Variants in PGGT1B observed in about 807,000 individuals in gnomAD.
The protein encoded by PGGT1B is geranylgeranyl transferase type-1 subunit beta.
Under a neutral mutation model 46.1 loss-of-function variants are expected in PGGT1B, and 30 were observed. The observed-to-expected ratio is 0.65, with a 90% CI of 0.49 to 0.88. PGGT1B has a LOEUF of 0.88. PGGT1B is among the 40% of genes least tolerant of loss of function. The probability of loss-of-function intolerance (pLI) is 0.00; values close to 1 mark genes in which losing one functional copy is unlikely to be tolerated. For missense variants in PGGT1B, 376 were observed against 455.9 expected (o/e 0.82, Z 1.60); for synonymous variants, 170 against 160.0 (o/e 1.06, Z -0.47).
chr5:115,247,773 C>A (rs1014686358), intron 2 of PGGT1B, among the ~76,000 whole-genome samples: 4 of 152,154 alleles, frequency 2.6e-5, no homozygotes, highest in African/African-American at 9.7e-5. Flanking sequence ...AGGAGATATT[C>A]TTTCACAGAG....
At chr5:115,222,779 T>C (rs1055844025) in intron 6 of PGGT1B, among the ~76,000 whole-genome samples, 34 of 152,218 alleles carry the variant, frequency 2.2e-4, no homozygotes, top group Non-Finnish European at 2.9e-5. Context: ...CATGGAATAC[T>C]ATGTAGCCAT....
chr5:115,223,745 T>C (rs1048171513), intron 6 of PGGT1B, among the ~76,000 whole-genome samples: 38 of 152,212 alleles, frequency 2.5e-4, no homozygotes, highest in African/African-American at 8.7e-4. Context: ...ACAAAGGTAC[T>C]TTCCTCAGGA....
chr5:115,257,205 C>T (rs1748357303), intron 1 of PGGT1B, among the ~76,000 whole-genome samples: 1 of 152,140 alleles, frequency 6.6e-6, no homozygotes, highest in Non-Finnish European at 1.5e-5. Flanking sequence ...ACGCATACCC[C>T]AAAGATTAAA....
Position 115,207,202 on chromosome 5 carries a change from T to TAC in PGGT1B, c.*5199_*5200insGT, listed in dbSNP as rs1279060437. 1.4e-5 allele frequency: 2 copies of TAC among 142,184 alleles called. No homozygotes were observed. The highest frequency in any genetic ancestry group is 3.1e-5 in the Non-Finnish European group (2 of 64,784). The allele number at this position is 142,184 out of a possible 1,614,324, so 8.8% of individuals were successfully genotyped here. ...ATACATATATATATATATATATATA[T>TAC]ATATAGTCTTGTTACTCTTTTTAGT... On this transcript the variant is annotated 3_prime_UTR_variant, in exon 9 of 9. Coordinates refer to ENST00000419445, the MANE Select transcript of PGGT1B (RefSeq NM_005023.4).
rs768224915 is a variant in PGGT1B at position 115,207,543 on chromosome 5, C to A, written c.*4859G>T. 1 of 151,978 alleles carries A rather than the reference C, an allele frequency of 6.6e-6. No individual in the cohort carries two copies. The highest frequency in any genetic ancestry group is 6.6e-5 in the Admixed American group (1 of 15,254). 9.4% of individuals were successfully genotyped at this position (151,978 alleles called of 1,614,324 possible). On this transcript the variant is annotated 3_prime_UTR_variant, in exon 9 of 9. Transcript: ENST00000419445. ...TGAAAGAGGGTGCTGATTTCTGACA[C>A]CATACATAGATGCTGTCTGTTTTGA...
intron 3 of PGGT1B, among the ~76,000 whole-genome samples, chr5:115,241,033 T>C (rs1297217010): frequency 6.6e-6 from 1 of 152,206 alleles, no homozygotes; most frequent in African/African-American, 2.4e-5. Context: ...CATGAAGAAG[T>C]TCTGCATATT....
At chr5:115,212,635 C>T (rs772568642) in intron 8 of PGGT1B, 52 bp from the exon 9 acceptor site, 1 of 1,261,672 alleles carries the variant, frequency 7.9e-7, no homozygotes, top group South Asian at 1.4e-5. Flanking sequence ...CTTGTACATT[C>T]TACAGAATAT....
At chr5:115,241,735 A>G (rs1251447948) in intron 2 of PGGT1B, 129 bp from the exon 3 acceptor site, 4 of 568,374 alleles carry the variant, frequency 7.0e-6, no homozygotes, top group Non-Finnish European at 1.2e-5. Context: ...CTAATGCTGA[A>G]TGCTTACCAT....
At chr5:115,256,178 G>A (rs1312245699) in intron 1 of PGGT1B, among the ~76,000 whole-genome samples, 2 of 152,158 alleles carry the variant, frequency 1.3e-5, no homozygotes, top group African/African-American at 4.8e-5. Context: ...CAGTGGAGGA[G>A]GGAGTTACTG....
chr5:115,214,342 C>T (rs1756343692), intron 8 of PGGT1B, among the ~76,000 whole-genome samples: 1 of 152,128 alleles, frequency 6.6e-6, no homozygotes, highest in African/African-American at 2.4e-5. Flanking sequence ...CGTACAAGCA[C>T]TTTAGATGTG....
At position 115,231,039 on chromosome 5, in the gene PGGT1B, T is replaced by G; in HGVS notation, c.613-18A>C. The stretch of plus-strand genomic sequence containing the variant: ...TCATAGGACTGAAAAAGAAAAACAT[T>G]GTTCAGTTTAATAGGGAAATAATAA... On this transcript the variant is annotated intron_variant, in intron 5 of 8. Transcript: ENST00000419445. The G allele has an allele frequency of 6.9e-7, 1 of 1,456,254 alleles. No individual in the cohort carries two copies. Among genetic ancestry groups the G allele is most frequent in the Non-Finnish European group, 9.4e-7 (1 of 1,062,988 alleles). 90.2% of individuals were successfully genotyped at this position (1,456,254 alleles called of 1,614,324 possible).
At chr5:115,248,783 G>A (rs1463479121) in intron 2 of PGGT1B, among the ~76,000 whole-genome samples, 1 of 152,194 alleles carries the variant, frequency 6.6e-6, no homozygotes, top group Non-Finnish European at 1.5e-5. Flanking sequence ...TCATTTGTGT[G>A]AGGTTTCAGA....
chr5:115,237,213 C>T (rs185476213), intron 4 of PGGT1B, among the ~76,000 whole-genome samples: 33 of 152,296 alleles, frequency 2.2e-4, no homozygotes, highest in Admixed American at 2.0e-3. Context: ...TTTGAAAACA[C>T]TGACGGGAAA....
intron 2 of PGGT1B, among the ~76,000 whole-genome samples, chr5:115,242,566 T>A (rs1757379345): frequency 6.6e-6 from 1 of 152,194 alleles, no homozygotes; most frequent in South Asian, 2.1e-4. Context: ...CCCAAAAAAC[T>A]TAAAATAGTA....
In PGGT1B at chr5:115,262,708, T is replaced by G; in HGVS notation, c.140+4A>C. The G allele has an allele frequency of 6.2e-7, 1 of 1,604,122 alleles. No individual in the cohort carries two copies. Among genetic ancestry groups the G allele is most frequent in the African/African-American group, 1.3e-5 (1 of 74,682 alleles). Reference sequence around the variant, plus strand: ...CCAGCCTGGCTGACTGTGCCACGAGTTACCTGCTTGTCTCGAGTGAAGAAT... The same window carrying G: ...CCAGCCTGGCTGACTGTGCCACGAGGTACCTGCTTGTCTCGAGTGAAGAAT... On this transcript the variant is annotated splice_donor_region_variant and intron_variant, in intron 1 of 8. Coordinates refer to ENST00000419445, the MANE Select transcript of PGGT1B (RefSeq NM_005023.4).
chr5:115,225,836 A>G (rs1308104434), intron 6 of PGGT1B, among the ~76,000 whole-genome samples: 1 of 151,670 alleles, frequency 6.6e-6, no homozygotes, highest in Non-Finnish European at 1.5e-5. Context: ...TTTAGCAGAG[A>G]TGGGGTTTCA....
intron 2 of PGGT1B, among the ~76,000 whole-genome samples, chr5:115,252,423 T>C (rs551426556): frequency 6.6e-6 from 1 of 152,120 alleles, no homozygotes; most frequent in African/African-American, 2.4e-5. Context: ...TTACATATGA[T>C]TACTCTAACC....
intron 2 of PGGT1B, among the ~76,000 whole-genome samples, chr5:115,246,944 T>C (rs1747876904): frequency 6.6e-6 from 1 of 152,124 alleles, no homozygotes; most frequent in Non-Finnish European, 1.5e-5. Flanking sequence ...AAAATGGGAG[T>C]ATGTACATGG....
At chr5:115,243,454 T>C (rs1305950168) in intron 2 of PGGT1B, among the ~76,000 whole-genome samples, 2 of 152,188 alleles carry the variant, frequency 1.3e-5, no homozygotes, top group African/African-American at 4.8e-5. Context: ...CAAAAATAAA[T>C]GTGCATTTTT....
Sources: gnomAD v4.1 joint callset for allele counts (sites outside exome capture counted in the v4.1 genomes callset) on GRCh38, gnomAD v4.1.1 for gene constraint, MANE v1.5 for transcripts, NCBI Gene and HGNC (gene_info 2026-07-23, HGNC 2026-07-21) for gene names.